The following STAG1 variants were observed in gnomAD, a reference collection of about 807,000 sequenced individuals.
STAG1 encodes cohesin subunit SA-1.
STAG1 carries 26 observed loss-of-function variants against 170.9 expected under a neutral mutation model. The observed-to-expected ratio is 0.15, with a 90% CI of 0.11 to 0.21. The LOEUF (loss-of-function observed/expected upper bound fraction) is 0.21, where lower values mean the gene tolerates loss of function less well. Among genes scored for constraint, STAG1 ranks in the 10% least tolerant of loss-of-function variants. The pLI, the probability that STAG1 is intolerant of heterozygous loss-of-function variation, is 1.00. For missense variants in STAG1, 964 were observed against 1,509.5 expected, an observed-to-expected ratio of 0.64 and a Z score of 5.99; for synonymous variants, 514 against 497.7, an observed-to-expected ratio of 1.03 and a Z score of -0.44.
At chr3:136,379,229 C>T (rs1937800231) in intron 22 of STAG1, among the ~76,000 whole-genome samples, 1 of 152,114 alleles carries the variant, frequency 6.6e-6, no homozygotes, top group Non-Finnish European at 1.5e-5. Context: ...GAACAGGCAA[C>T]TGCAATATAG....
In STAG1 at chr3:136,658,850, G is replaced by A. The variant is rs146987267; in HGVS notation, c.-83-27869C>T. 1.2e-4 allele frequency among the ~76,000 whole-genome samples: 19 copies of A among 152,144 alleles called. No homozygotes were observed. The East Asian group carries it at 3.5e-3, about 28-fold the overall frequency. ...CATGGCTCTATTAATTTTTATTATG[G>A]TAGTTAATTATGCTTAATTTTACTT... is the stretch of plus-strand genomic sequence containing the variant. On this transcript the variant is annotated intron_variant, in intron 1 of 33. Coordinates refer to ENST00000383202, the MANE Select transcript of STAG1 (RefSeq NM_005862.3).
At chr3:136,492,295 G>A (rs1409749326) in intron 9 of STAG1, among the ~76,000 whole-genome samples, 1 of 152,122 alleles carries the variant, frequency 6.6e-6, no homozygotes, top group Non-Finnish European at 1.5e-5. Context: ...TTTATGCAAG[G>A]TCTGATTAAA....
At chr3:136,354,634 CTGGTA>C (rs1936561736) in intron 28 of STAG1, among the ~76,000 whole-genome samples, 1 of 151,220 alleles carries the variant, frequency 6.6e-6, no homozygotes, top group African/African-American at 2.4e-5. Context: ...ACTGTAAGGC[CTGGTA>C]AGGCCACTAG....
At chr3:136,700,711 T>C (rs1416863433) in intron 1 of STAG1, among the ~76,000 whole-genome samples, 4 of 151,322 alleles carry the variant, frequency 2.6e-5, no homozygotes, top group African/African-American at 7.3e-5. Flanking sequence ...TAATAGACCA[T>C]AGAGCTAGCC....
intron 8 of STAG1, among the ~76,000 whole-genome samples, chr3:136,502,122 G>A (rs537155664): frequency 4.2e-4 from 64 of 151,944 alleles, no homozygotes; most frequent in African/African-American, 1.4e-3. Context: ...AGGTTGCGGT[G>A]AGTTGAGATC....
At chr3:136,528,371 C>T (rs1260290864) in intron 6 of STAG1, among the ~76,000 whole-genome samples, 4 of 152,032 alleles carry the variant, frequency 2.6e-5, no homozygotes, top group Admixed American at 2.6e-4. Flanking sequence ...GCATGGGACC[C>T]TCTGAGCCAG....
chr3:136,389,007 G>A (rs555910165), intron 22 of STAG1, among the ~76,000 whole-genome samples: 10 of 152,210 alleles, frequency 6.6e-5, no homozygotes, highest in African/African-American at 2.2e-4. Context: ...TGTTGGCCAA[G>A]TTGGTCTTGA....
intron 1 of STAG1, among the ~76,000 whole-genome samples, chr3:136,681,324 A>G (rs901768897): frequency 1.3e-5 from 2 of 152,356 alleles, no homozygotes; most frequent in South Asian, 4.1e-4. Context: ...AAGAATATGA[A>G]TCTTTATATT....
chr3:136,410,195 T>A (rs1404863616), intron 21 of STAG1, among the ~76,000 whole-genome samples: 1 of 149,198 alleles, frequency 6.7e-6, no homozygotes, highest in African/African-American at 2.5e-5. Flanking sequence ...AGGTCAGGAG[T>A]TCAAGACCAG....
At chr3:136,513,635 A>C (rs1934190342) in intron 7 of STAG1, among the ~76,000 whole-genome samples, 1 of 152,162 alleles carries the variant, frequency 6.6e-6, no homozygotes, top group Non-Finnish European at 1.5e-5. Flanking sequence ...GGAAACGAGA[A>C]ACAAAATCTT....
At chr3:136,613,552 T>C (rs1258216701) in intron 3 of STAG1, among the ~76,000 whole-genome samples, 1 of 152,134 alleles carries the variant, frequency 6.6e-6, no homozygotes, top group Non-Finnish European at 1.5e-5. Context: ...AATGATGCAA[T>C]CTCAGCTCAC....
intron 1 of STAG1, among the ~76,000 whole-genome samples, chr3:136,674,884 T>C (rs1222868354): frequency 6.6e-6 from 1 of 152,122 alleles, no homozygotes; most frequent in Admixed American, 6.5e-5. Flanking sequence ...CCTGAACATG[T>C]AGAGTAGAGA....
At chr3:136,743,942 T>C (rs1934805352) in intron 1 of STAG1, among the ~76,000 whole-genome samples, 2 of 152,212 alleles carry the variant, frequency 1.3e-5, no homozygotes, top group African/African-American at 4.8e-5. Flanking sequence ...ATTTAACCAT[T>C]CTACCACTAA....
intron 3 of STAG1, among the ~76,000 whole-genome samples, chr3:136,611,252 C>T (rs983877777): frequency 1.3e-5 from 2 of 151,818 alleles, no homozygotes; most frequent in Non-Finnish European, 2.9e-5. Flanking sequence ...TGGGTTCGAG[C>T]GATTCTCCTG....
At position 136,336,576 on chromosome 3, in the gene STAG1, C is replaced by CCAGT. The variant is rs1310769119; in HGVS notation, c.*1674_*1677dup. ...GGCAGGCAGGGCTGGGGTGGACAGTCCAGTCATTCCTGCACCTTCACTTCC... is the reference window on the plus strand; with the variant it reads ...GGCAGGCAGGGCTGGGGTGGACAGTCCAGTCAGTCATTCCTGCACCTTCACTTCC... On this transcript the variant is annotated 3_prime_UTR_variant, in exon 34 of 34. Coordinates refer to ENST00000383202, the MANE Select transcript of STAG1 (RefSeq NM_005862.3). 1 of 152,246 alleles carries CCAGT rather than the reference C, an allele frequency of 6.6e-6. No individual in the cohort carries two copies. The highest frequency in any genetic ancestry group is 2.4e-5 in the African/African-American group (1 of 41,460). The allele number at this position is 152,246 out of a possible 1,614,324, so 9.4% of individuals were successfully genotyped here.
Position 136,695,951 on chromosome 3 carries a change from A to G in STAG1, c.-84+56244T>C, listed in dbSNP as rs139332609. Among the ~76,000 whole-genome samples the G allele has an allele frequency of 4.1e-3, 629 of 152,308 alleles. 3 individuals carry two copies. The highest frequency in any genetic ancestry group is 6.6e-3 in the Non-Finnish European group (446 of 68,020). Reference sequence around the variant, plus strand: ...GACACCAGGTATGTCAAAAGCAAATAAAGCACAGAAACACATCTCTAAACA... The same window carrying G: ...GACACCAGGTATGTCAAAAGCAAATGAAGCACAGAAACACATCTCTAAACA... On this transcript the variant is annotated intron_variant, in intron 1 of 33. Transcript: ENST00000383202.
rs536083393 is a variant in STAG1, at chr3:136,601,752, G to A, written c.297+2557C>T. ...CTCGGGAGGTTGAGGCAGGAGAATC[G>A]CTTGAACCTGTGGGGCAGAAGTTGC... On this transcript the variant is annotated intron_variant, in intron 4 of 33. Transcript: ENST00000383202. Among the ~76,000 whole-genome samples the A allele has an allele frequency of 9.2e-5, 14 of 152,160 alleles. No individual in the cohort carries two copies. The South Asian group carries it at 2.7e-3, about 29-fold the overall frequency.
At chr3:136,612,576 C>G (rs1939356585) in intron 3 of STAG1, among the ~76,000 whole-genome samples, 1 of 152,078 alleles carries the variant, frequency 6.6e-6, no homozygotes, top group Non-Finnish European at 1.5e-5. Context: ...GCCTGTAGCT[C>G]CAGCTATGCA....
chr3:136,691,958 C>T (rs537830448), intron 1 of STAG1, among the ~76,000 whole-genome samples: 1 of 152,118 alleles, frequency 6.6e-6, no homozygotes, highest in Admixed American at 6.5e-5. Context: ...TATTGTCCTT[C>T]CCCAGTGAAG....
Sources: gnomAD v4.1 joint callset for allele counts (sites outside exome capture counted in the v4.1 genomes callset) on GRCh38, gnomAD v4.1.1 for gene constraint, MANE v1.5 for transcripts, NCBI Gene and HGNC (gene_info 2026-07-23, HGNC 2026-07-21) for gene names.